The following FBXO4 variants were observed in gnomAD, a reference collection of about 807,000 sequenced individuals.
FBXO4 encodes the protein F-box only protein 4.
In FBXO4, 36 loss-of-function variants were observed where a neutral mutation model predicts 43.7. That is an observed-to-expected ratio of 0.82 (90% CI 0.63 to 1.09). FBXO4 has a LOEUF of 1.09. FBXO4 is among the 50% of genes least tolerant of loss of function. The pLI is 0.00. For synonymous variants in FBXO4, 180 were observed against 165.6 expected (o/e 1.09, Z -0.67); for missense variants, 435 against 474.1 (o/e 0.92, Z 0.77).
At chr5:42,036,576 G>A in the FBXO4 span, among the ~76,000 whole-genome samples, 1 of 152,072 alleles carries the variant, frequency 6.6e-6, no homozygotes, top group Non-Finnish European at 1.5e-5. Context: ...TTTACCAAAA[G>A]GCTTTGAGTA....
At chr5:41,940,225 T>TTA (rs1273354931) in intron 6 of FBXO4, among the ~76,000 whole-genome samples, 1 of 152,024 alleles carries the variant, frequency 6.6e-6, no homozygotes, top group Non-Finnish European at 1.5e-5. Flanking sequence ...ATCATCAAAG[T>TTA]TATATGTTCC....
At chr5:41,981,053 T>A in the FBXO4 span, among the ~76,000 whole-genome samples, 1 of 152,098 alleles carries the variant, frequency 6.6e-6, no homozygotes, top group African/African-American at 2.4e-5. Flanking sequence ...TTCCCTGTAC[T>A]GTAAAATATT....
the FBXO4 span, among the ~76,000 whole-genome samples, chr5:42,039,134 T>C: frequency 4.6e-5 from 7 of 152,038 alleles, no homozygotes; most frequent in African/African-American, 1.7e-4. Flanking sequence ...CCTTGTTCTT[T>C]GCAAAAAAGT....
chr5:41,950,882 A>G, the FBXO4 span, among the ~76,000 whole-genome samples: 2 of 152,258 alleles, frequency 1.3e-5, no homozygotes, highest in African/African-American at 4.8e-5. Context: ...CTCTGCAGCC[A>G]TAAAAAAGGA....
chr5:42,019,196 T>A, the FBXO4 span, among the ~76,000 whole-genome samples: 9 of 152,226 alleles, frequency 5.9e-5, 2 homozygotes, highest in Admixed American at 5.9e-4. Flanking sequence ...CCAACAAAAA[T>A]ATGGCTTTGC....
At chr5:41,931,676 GCT>G (rs1375618743) in intron 3 of FBXO4, among the ~76,000 whole-genome samples, 1 of 152,222 alleles carries the variant, frequency 6.6e-6, no homozygotes, top group Non-Finnish European at 1.5e-5. Context: ...TATGCATCCA[GCT>G]CTCAAGAGCA....
At chr5:41,983,331 C>A in the FBXO4 span, among the ~76,000 whole-genome samples, 1 of 151,922 alleles carries the variant, frequency 6.6e-6, no homozygotes, top group African/African-American at 2.4e-5. Context: ...CTAATTTTTG[C>A]CTACCAAATT....
At chr5:41,959,753 T>A in the FBXO4 span, among the ~76,000 whole-genome samples, 1 of 152,166 alleles carries the variant, frequency 6.6e-6, no homozygotes, top group African/African-American at 2.4e-5. Context: ...CAGGCTGTTT[T>A]AATTACTATA....
the FBXO4 span, among the ~76,000 whole-genome samples, chr5:41,993,671 G>A: frequency 6.8e-6 from 1 of 146,720 alleles, no homozygotes; most frequent in Non-Finnish European, 1.5e-5. Flanking sequence ...GCATATAAAG[G>A]GACGTTTATT....
chr5:41,937,984 C>T (rs1386989095), intron 5 of FBXO4, among the ~76,000 whole-genome samples: 1 of 151,980 alleles, frequency 6.6e-6, no homozygotes, highest in African/African-American at 2.4e-5. Context: ...TTGAACATAG[C>T]ACTGAGAAAA....
At chr5:42,035,297 A>G in the FBXO4 span, among the ~76,000 whole-genome samples, 1 of 152,024 alleles carries the variant, frequency 6.6e-6, no homozygotes, top group East Asian at 1.9e-4. Context: ...TTCTCTTCCT[A>G]TTTGAATACG....
At chr5:41,999,483 A>ATATG in the FBXO4 span, among the ~76,000 whole-genome samples, 2 of 11,672 alleles carry the variant, frequency 1.7e-4, no homozygotes, top group African/African-American at 3.2e-4. Flanking sequence ...ATATACACAT[A>ATATG]TATATATATA....
At chr5:41,950,308 T>C in the FBXO4 span, among the ~76,000 whole-genome samples, 3 of 151,946 alleles carry the variant, frequency 2.0e-5, no homozygotes, top group Non-Finnish European at 4.4e-5. Flanking sequence ...AATTTTGCAA[T>C]CTATTCATCT....
chr5:41,927,730 G>A (rs1459344841), intron 2 of FBXO4, among the ~76,000 whole-genome samples: 7 of 152,128 alleles, frequency 4.6e-5, no homozygotes, highest in African/African-American at 1.4e-4. Context: ...CAGTGTACTG[G>A]ATTCTACGAG....
At chr5:41,984,198 A>G in the FBXO4 span, among the ~76,000 whole-genome samples, 1 of 152,158 alleles carries the variant, frequency 6.6e-6, no homozygotes, top group Non-Finnish European at 1.5e-5. Flanking sequence ...CTTCCTGTCA[A>G]TTTTAGTTTT....
At chr5:41,937,821 AAAGAC>A (rs1263897658) in intron 5 of FBXO4, among the ~76,000 whole-genome samples, 1 of 152,232 alleles carries the variant, frequency 6.6e-6, no homozygotes, top group African/African-American at 2.4e-5. Flanking sequence ...CAGAAGAGGG[AAAGAC>A]AGGGCTGCAA....
At chr5:41,940,935 C>A (rs909258655) in intron 6 of FBXO4, among the ~76,000 whole-genome samples, 1 of 152,142 alleles carries the variant, frequency 6.6e-6, no homozygotes, top group Non-Finnish European at 1.5e-5. Flanking sequence ...GGAAGCAAGT[C>A]ATGGAAATGG....
the FBXO4 span, among the ~76,000 whole-genome samples, chr5:41,983,404 C>G: frequency 6.7e-6 from 1 of 148,762 alleles, no homozygotes; most frequent in Non-Finnish European, 1.5e-5. Context: ...TTTCTGTCAA[C>G]TTTAGCATTT....
At chr5:41,937,237 A>C (rs1470402632) in intron 5 of FBXO4, among the ~76,000 whole-genome samples, 1 of 152,226 alleles carries the variant, frequency 6.6e-6, no homozygotes, top group African/African-American at 2.4e-5. Context: ...AGTCAAACTG[A>C]TAAAAATCAG....
Sources: allele counts gnomAD v4.1 joint callset (sites outside exome capture counted in the v4.1 genomes callset), GRCh38; gene constraint gnomAD v4.1.1; transcripts MANE v1.5; gene names NCBI Gene and HGNC (gene_info 2026-07-23, HGNC 2026-07-21).